RFFL: variants seen among roughly 807,000 people sequenced by gnomAD.
RFFL encodes ring finger and FYVE like domain containing E3 ubiquitin protein ligase.
Under a neutral mutation model 40.4 loss-of-function variants are expected in RFFL, and 16 were observed. The ratio of observed to expected loss-of-function variants is 0.40; its 90% CI spans 0.27 to 0.60. The LOEUF is 0.60. Ranked by LOEUF, RFFL falls within the 20% of genes least tolerant of loss-of-function variation. The pLI is 0.47. For missense variants in RFFL, 367 were observed against 451.7 expected, an observed-to-expected ratio of 0.81 and a Z score of 1.70; for synonymous variants, 154 against 167.9, an observed-to-expected ratio of 0.92 and a Z score of 0.64.
rs1005961470 is a variant in RFFL at position 35,010,805 on chromosome 17, A to C, written c.*1163T>G. On this transcript the variant is annotated 3_prime_UTR_variant, in exon 7 of 7. Coordinates refer to ENST00000394597, the MANE Select transcript of RFFL (RefSeq NM_001017368.2). Reference sequence around the variant, plus strand: ...CCCCCAAAAATCAGTGGGCTAGGAAAGGGAATGAAAGTAGGGTCTCCTCAC... The same window carrying C: ...CCCCCAAAAATCAGTGGGCTAGGAACGGGAATGAAAGTAGGGTCTCCTCAC... 2.0e-5 allele frequency: 3 copies of C among 152,152 alleles called. No individual in the cohort carries two copies. The highest frequency in any genetic ancestry group is 7.2e-5 in the African/African-American group (3 of 41,410). 9.4% of individuals were successfully genotyped at this position (152,152 alleles called of 1,614,324 possible).
Position 35,021,583 on chromosome 17 carries a change from CT to C in RFFL, c.378del (p.Glu127LysfsTer13). Reference sequence around the variant, plus strand: ...CCAAGGACCAAGAGCACCAGCTCTTCTTTCTCCCGGCACATTTCGGTAGAGA... The same window carrying C: ...CCAAGGACCAAGAGCACCAGCTCTTCTTCTCCCGGCACATTTCGGTAGAGA... ...HDISTEMCRE[K>X]EELVLLVLGQ... On this transcript the variant is annotated frameshift_variant, in exon 3 of 7. Coordinates refer to ENST00000394597, the MANE Select transcript of RFFL (RefSeq NM_001017368.2). LOFTEE classifies it high-confidence loss of function. 6.2e-7 allele frequency: 1 copy of C among 1,614,220 alleles called. No individual in the cohort carries two copies. The highest frequency in any genetic ancestry group is 8.5e-7 in the Non-Finnish European group (1 of 1,180,036).
chr17:35,007,280 C>T lies in RFFL; in HGVS notation c.*4688G>A, dbSNP rs1399916699. On this transcript the variant is annotated 3_prime_UTR_variant, in exon 7 of 7. Coordinates refer to ENST00000394597, the MANE Select transcript of RFFL (RefSeq NM_001017368.2). ...TCTCTGCCTTAGTGTGTGTTATTGC[C>T]ATTTCAATGTCAGTGGTTTTTTATG... 1 of 152,272 alleles carries T rather than the reference C, an allele frequency of 6.6e-6. No homozygotes were observed. Among genetic ancestry groups the T allele is most frequent in the Non-Finnish European group, 1.5e-5 (1 of 68,068 alleles). The allele number at this position is 152,272 out of a possible 1,614,324, so 9.4% of individuals were successfully genotyped here. A position where few individuals can be genotyped will look rare whatever the true frequency, so the allele number is the denominator to read the frequency against.
intron 3 of RFFL, among the ~76,000 whole-genome samples, 158 bp from the exon 4 acceptor site, chr17:35,017,764 A>T (rs1199505924): frequency 6.6e-6 from 1 of 152,172 alleles, no homozygotes; most frequent in East Asian, 1.9e-4. Flanking sequence ...GCTCTCTCAT[A>T]CCAACTTTGT....
intron 5 of RFFL, among the ~76,000 whole-genome samples, chr17:35,015,486 T>C (rs2090967657): frequency 6.6e-6 from 1 of 152,228 alleles, no homozygotes; most frequent in Non-Finnish European, 1.5e-5. Context: ...GAGAAGACTC[T>C]TGAAACAATC....
At chr17:35,034,554 A>G (rs1407869080) in intron 1 of RFFL, among the ~76,000 whole-genome samples, 1 of 150,674 alleles carries the variant, frequency 6.6e-6, no homozygotes, top group African/African-American at 2.4e-5. Flanking sequence ...CTTGAGACAG[A>G]GTCTCACTCT....
rs546507786 is a variant in RFFL at position 35,041,269 on chromosome 17, C to T, written c.-8-14708G>A. Among the ~76,000 whole-genome samples the T allele has an allele frequency of 3.8e-4, 58 of 152,076 alleles. No homozygotes were observed. In the South Asian group the frequency reaches 0.011, roughly 29 times the overall value. ...TCTATCCACCTATTTCTCCACAAGG[C>T]ATCACCCACTGCCCTCCTCCCCTCA... On this transcript the variant is annotated intron_variant, in intron 1 of 6. Coordinates refer to ENST00000394597, the MANE Select transcript of RFFL (RefSeq NM_001017368.2).
intron 1 of RFFL, chr17:35,074,392 G>C (rs751841903): frequency 2.6e-5 from 4 of 152,178 alleles, no homozygotes; most frequent in Non-Finnish European, 5.9e-5. Flanking sequence ...AGCAGGCACT[G>C]CTTGCTGAGC....
intron 1 of RFFL, among the ~76,000 whole-genome samples, chr17:35,087,216 T>C (rs529577713): frequency 2.0e-5 from 3 of 152,116 alleles, no homozygotes; most frequent in South Asian, 2.1e-4. Flanking sequence ...CTGGGTGTGG[T>C]TGCACATGCC....
chr17:35,077,312 C>G (rs972204657), intron 1 of RFFL, among the ~76,000 whole-genome samples: 1 of 151,966 alleles, frequency 6.6e-6, no homozygotes, highest in South Asian at 2.1e-4. Context: ...TTAAGATGTC[C>G]TAAGAACCAC....
At chr17:35,032,480 G>C (rs1365610259) in intron 1 of RFFL, among the ~76,000 whole-genome samples, 2 of 151,960 alleles carry the variant, frequency 1.3e-5, no homozygotes, top group Non-Finnish European at 2.9e-5. Context: ...CAAAGTCTAG[G>C]GTCTCTGAAT....
rs1472754097 is a variant in RFFL at position 35,010,751 on chromosome 17, A to AG, written c.*1216_*1217insC. The AG allele has an allele frequency of 6.6e-6, 1 of 151,616 alleles. No homozygotes were observed. The highest frequency in any genetic ancestry group is 1.5e-5 in the Non-Finnish European group (1 of 67,968). The allele number at this position is 151,616 out of a possible 1,614,324, so 9.4% of individuals were successfully genotyped here. A position where few individuals can be genotyped will look rare whatever the true frequency, so the allele number is the denominator to read the frequency against. On this transcript the variant is annotated 3_prime_UTR_variant, in exon 7 of 7. Coordinates refer to ENST00000394597, the MANE Select transcript of RFFL (RefSeq NM_001017368.2). The stretch of plus-strand genomic sequence containing the variant: ...TGGGCAACAGAGTGAGACTCAAAAA[A>AG]AAAAAAAAAATGCTTTCTCCCTGAC...
Position 35,006,229 on chromosome 17 carries a change from C to A in RFFL, c.*5739G>T, listed in dbSNP as rs1296647321. 1 of 154,994 alleles carries A rather than the reference C, an allele frequency of 6.5e-6. No individual in the cohort carries two copies. The highest frequency in any genetic ancestry group is 2.4e-5 in the African/African-American group (1 of 41,448). The allele number at this position is 154,994 out of a possible 1,614,324, so 9.6% of individuals were successfully genotyped here. On this transcript the variant is annotated 3_prime_UTR_variant, in exon 7 of 7. Transcript: ENST00000394597. ...GAAATATCCATAAATCTGCAGTATC[C>A]AACCAAACTAGCCACAGACAGCTGC...
intron 1 of RFFL, among the ~76,000 whole-genome samples, chr17:35,073,090 G>A (rs1250827203): frequency 3.3e-5 from 5 of 151,174 alleles, no homozygotes; most frequent in East Asian, 1.9e-4. Context: ...CAGCCACTAC[G>A]GGGAGCTAAA....
chr17:35,021,679 C>A lies in RFFL; in HGVS notation c.283G>T (p.Ala95Ser), dbSNP rs749037153. The A allele has an allele frequency of 2.8e-5, 45 of 1,614,114 alleles. No individual in the cohort carries two copies. In the Admixed American group the frequency reaches 7.5e-4, roughly 27 times the overall value. The change falls in exon 3 of 7, where the codon GCC (alanine) becomes TCC (serine). Residue 95 changes from alanine (A) to serine (S), a missense_variant. Coordinates refer to ENST00000394597, the MANE Select transcript of RFFL (RefSeq NM_001017368.2). ...CLLCQRFRAT[A>S]FQREELMKMK... is the part of the protein sequence containing the mutation. Reference sequence around the variant, plus strand: ...TTCATGAGCTCCTCTCGCTGAAAGGCTGTAGCTCGAAACCGTTGGCAGAGA... The same window carrying A: ...TTCATGAGCTCCTCTCGCTGAAAGGATGTAGCTCGAAACCGTTGGCAGAGA...
chr17:35,006,091 G>A lies in RFFL; in HGVS notation c.*5877C>T, dbSNP rs1388671201. The A allele has an allele frequency of 1.7e-5, 3 of 176,498 alleles. No homozygotes were observed. Among genetic ancestry groups the A allele is most frequent in the Admixed American group, 5.6e-5 (1 of 17,954 alleles). 10.9% of individuals were successfully genotyped at this position (176,498 alleles called of 1,614,324 possible). ...ACCTGAGAACAGATCCATACAACCT[G>A]CTTACAAAGAACAGCTCCTGTGCTA... On this transcript the variant is annotated 3_prime_UTR_variant, in exon 7 of 7. Transcript: ENST00000394597.
intron 1 of RFFL, among the ~76,000 whole-genome samples, chr17:35,087,823 T>C (rs1255772727): frequency 1.3e-5 from 2 of 152,228 alleles, no homozygotes; most frequent in Admixed American, 1.3e-4. Flanking sequence ...ACCTTTGCCA[T>C]CATCTACTTC....
chr17:35,012,867 TTCAA>T (rs1336646030), intron 6 of RFFL, among the ~76,000 whole-genome samples: 2 of 152,256 alleles, frequency 1.3e-5, no homozygotes, highest in South Asian at 2.1e-4. Context: ...ATTCAACATA[TTCAA>T]TCAATTTTTA....
intron 4 of RFFL, among the ~76,000 whole-genome samples, chr17:35,017,256 G>A (rs1025082454): frequency 1.3e-5 from 2 of 152,064 alleles, no homozygotes; most frequent in Non-Finnish European, 2.9e-5. Flanking sequence ...CCTGCCCTCC[G>A]GCAGCTCTTA....
intron 2 of RFFL, 137 bp from the exon 3 acceptor site, chr17:35,021,918 T>C: frequency 1.2e-6 from 1 of 826,710 alleles, no homozygotes; most frequent in Non-Finnish European, 1.9e-6. Flanking sequence ...CTCTCATATA[T>C]CTAAGGGTGC....
Sources: gnomAD v4.1 joint callset for allele counts (sites outside exome capture counted in the v4.1 genomes callset) on GRCh38, gnomAD v4.1.1 for gene constraint, MANE v1.5 for transcripts, NCBI Gene and HGNC (gene_info 2026-07-23, HGNC 2026-07-21) for gene names.